Variants in SAMD5 observed in about 807,000 individuals in gnomAD.
SAMD5 encodes the protein sterile alpha motif domain-containing protein 5.
Under a neutral mutation model 11.3 loss-of-function variants are expected in SAMD5, and 13 were observed. That is an observed-to-expected ratio of 1.15 (90% CI 0.75 to 1.83). The LOEUF is 1.83. Ranked by LOEUF, SAMD5 falls within the 40% of genes most tolerant of loss-of-function variation. The pLI is 0.00. For missense variants in SAMD5, 255 were observed against 239.1 expected (o/e 1.07, Z -0.44); for synonymous variants, 129 against 111.3 (o/e 1.16, Z -1.00).
At chr6:147,516,965 G>A (rs1481959145) in intron 1 of SAMD5, among the ~76,000 whole-genome samples, 4 of 152,196 alleles carry the variant, frequency 2.6e-5, no homozygotes, top group Non-Finnish European at 5.9e-5. Flanking sequence ...TGTAGGAAAA[G>A]CCATATGCAA....
At chr6:147,628,268 C>G (rs1790087958) in intron 1 of SAMD5, among the ~76,000 whole-genome samples, 1 of 152,078 alleles carries the variant, frequency 6.6e-6, no homozygotes, top group Admixed American at 6.5e-5. Flanking sequence ...ATTGAAAACT[C>G]TATTTCTAGA....
intron 1 of SAMD5, among the ~76,000 whole-genome samples, chr6:147,700,406 C>G (rs140290043): frequency 1.3e-5 from 2 of 152,084 alleles, no homozygotes; most frequent in African/African-American, 4.8e-5. Context: ...AGATTTCACC[C>G]CCATTTTTCT....
the SAMD5 span, among the ~76,000 whole-genome samples, chr6:147,823,100 A>G: frequency 6.6e-6 from 1 of 152,222 alleles, no homozygotes; most frequent in Non-Finnish European, 1.5e-5. Context: ...TATAGGCATG[A>G]GCCACTAAGT....
the SAMD5 span, among the ~76,000 whole-genome samples, chr6:147,753,777 TC>T: frequency 8.1e-4 from 123 of 152,240 alleles, no homozygotes; most frequent in African/African-American, 2.9e-3. Flanking sequence ...AGTTTTAATT[TC>T]TAGATCCCAC....
At chr6:147,706,217 G>T (rs1318393167) in intron 1 of SAMD5, among the ~76,000 whole-genome samples, 2 of 151,820 alleles carry the variant, frequency 1.3e-5, no homozygotes, top group Non-Finnish European at 2.9e-5. Flanking sequence ...ACAAATCTGG[G>T]TTTTTTTGTT....
intron 1 of SAMD5, among the ~76,000 whole-genome samples, chr6:147,691,425 A>G (rs1252310142): frequency 6.6e-6 from 1 of 152,218 alleles, no homozygotes; most frequent in Non-Finnish European, 1.5e-5. Context: ...TCCAAATTAT[A>G]GATATATATA....
intron 1 of SAMD5, among the ~76,000 whole-genome samples, chr6:147,641,567 A>ATTTT (rs35496907): frequency 1.4e-5 from 2 of 139,838 alleles, no homozygotes; most frequent in African/African-American, 2.7e-5. Context: ...TCTGTCTTTA[A>ATTTT]TTTTTTTTTT....
chr6:147,618,328 A>C (rs536701523), intron 1 of SAMD5, among the ~76,000 whole-genome samples: 4 of 152,330 alleles, frequency 2.6e-5, no homozygotes, highest in African/African-American at 9.6e-5. Flanking sequence ...AAAGGTGGAC[A>C]GGCAGCTCAG....
downstream of SAMD5, chr6:147,570,144 G>T (rs1789114750): frequency 2.1e-6 from 1 of 469,802 alleles, no homozygotes; most frequent in African/African-American, 2.1e-5. Context: ...TGGGAAATCA[G>T]AGTTCTAACG....
At chr6:147,758,044 A>G in the SAMD5 span, among the ~76,000 whole-genome samples, 1 of 152,202 alleles carries the variant, frequency 6.6e-6, no homozygotes, top group Non-Finnish European at 1.5e-5. Context: ...CAGCACAGCC[A>G]CAGCCTGGGT....
At chr6:147,953,838 G>C in the SAMD5 span, 2 of 152,152 alleles carry the variant, frequency 1.3e-5, no homozygotes, top group East Asian at 3.9e-4. Context: ...ACATTTTGCT[G>C]GTTGATGTAC....
the SAMD5 span, among the ~76,000 whole-genome samples, chr6:147,882,740 A>G: frequency 1.2e-4 from 18 of 152,256 alleles, no homozygotes; most frequent in Non-Finnish European, 1.5e-5. Context: ...TAAAATGTTT[A>G]AAACAAAAAC....
the SAMD5 span, among the ~76,000 whole-genome samples, chr6:147,949,807 C>T: frequency 6.6e-6 from 1 of 152,166 alleles, no homozygotes; most frequent in African/African-American, 2.4e-5. Context: ...AGATACTATA[C>T]TTCCTCAACA....
At chr6:147,556,353 A>G (rs540536732) in intron 1 of SAMD5, among the ~76,000 whole-genome samples, 48 of 152,224 alleles carry the variant, frequency 3.2e-4, no homozygotes, top group Non-Finnish European at 7.1e-4. Flanking sequence ...CAGCCTCCCA[A>G]AGTGCTGGGA....
the SAMD5 span, among the ~76,000 whole-genome samples, chr6:147,936,573 C>T: frequency 2.0e-5 from 3 of 152,090 alleles, no homozygotes; most frequent in South Asian, 2.1e-4. Flanking sequence ...GTGATCCAAT[C>T]GCCTCCCACC....
At chr6:147,932,384 C>T in the SAMD5 span, among the ~76,000 whole-genome samples, 5 of 152,048 alleles carry the variant, frequency 3.3e-5, no homozygotes, top group Non-Finnish European at 7.4e-5. Context: ...GGAGTGTCAG[C>T]GGACTTAATG....
rs563208067 is a variant in SAMD5, at chr6:147,711,978, T to G, written c.163-25339T>G. On this transcript the variant is annotated intron_variant, in intron 1 of 1. Transcript: ENST00000566741. This position sits in a 1 kb window ranked among gnomAD's most constrained non-coding sequence, Gnocchi z 4.1. ...CCTTGGGACAAAGAAATGAGCATTTTCTTACAGAAATCCAAGAGACATTAC... is the reference window on the plus strand; with the variant it reads ...CCTTGGGACAAAGAAATGAGCATTTGCTTACAGAAATCCAAGAGACATTAC... Among the ~76,000 whole-genome samples the G allele has an allele frequency of 1.3e-4, 20 of 152,332 alleles. No homozygotes were observed. Among genetic ancestry groups the G allele is most frequent in the Admixed American group, 9.8e-4 (15 of 15,304 alleles).
the SAMD5 span, among the ~76,000 whole-genome samples, chr6:147,861,088 G>A: frequency 6.6e-6 from 1 of 152,098 alleles, no homozygotes; most frequent in South Asian, 2.1e-4. Context: ...ATCTGTAGTG[G>A]GTCTTTCCAG....
At chr6:147,880,500 G>A in the SAMD5 span, among the ~76,000 whole-genome samples, 1 of 152,114 alleles carries the variant, frequency 6.6e-6, no homozygotes, top group African/African-American at 2.4e-5. Context: ...AATATACTGC[G>A]CCTTCCCTGA....
Sources: allele counts gnomAD v4.1 joint callset (sites outside exome capture counted in the v4.1 genomes callset), GRCh38; gene constraint gnomAD v4.1.1; non-coding constraint Gnocchi (gnomAD v3.1); transcripts MANE v1.5; gene names NCBI Gene and HGNC (gene_info 2026-07-23, HGNC 2026-07-21).